Variants in EBF1 observed in about 807,000 individuals in gnomAD.
EBF1 encodes EBF transcription factor 1.
EBF1 carries 10 observed loss-of-function variants against 68.4 expected under a neutral mutation model. The ratio of observed to expected loss-of-function variants is 0.15; its 90% CI spans 0.09 to 0.25. EBF1 has a LOEUF of 0.25. Among genes scored for constraint, EBF1 ranks in the 10% least tolerant of loss-of-function variants. The pLI is 1.00. For synonymous variants in EBF1, 298 were observed against 299.8 expected, an observed-to-expected ratio of 0.99 and a Z score of 0.06; for missense variants, 509 against 794.4, an observed-to-expected ratio of 0.64 and a Z score of 4.32.
intron 6 of EBF1, among the ~76,000 whole-genome samples, chr5:159,066,478 A>C (rs1256987384): frequency 6.6e-6 from 1 of 152,194 alleles, no homozygotes; most frequent in Non-Finnish European, 1.5e-5. Flanking sequence ...CATTTCATAG[A>C]TGGAACGCCA....
At chr5:158,915,183 T>A (rs1806887154) in intron 6 of EBF1, among the ~76,000 whole-genome samples, 1 of 152,150 alleles carries the variant, frequency 6.6e-6, no homozygotes, top group Non-Finnish European at 1.5e-5. Context: ...GAAAGTGAAC[T>A]CTGGGGGCCT....
chr5:158,848,950 T>C (rs1792073987), intron 6 of EBF1, among the ~76,000 whole-genome samples: 1 of 152,216 alleles, frequency 6.6e-6, no homozygotes, highest in South Asian at 2.1e-4. Flanking sequence ...AGTACAAATG[T>C]TCGTTGTCAC....
intron 6 of EBF1, among the ~76,000 whole-genome samples, chr5:159,001,317 A>G (rs547470856): frequency 1.1e-4 from 17 of 152,340 alleles, no homozygotes; most frequent in African/African-American, 3.6e-4. Flanking sequence ...ATGGATAGAC[A>G]TAAGCCACAT....
intron 10 of EBF1, among the ~76,000 whole-genome samples, chr5:158,766,988 C>T (rs1381686525): frequency 6.6e-6 from 1 of 152,086 alleles, no homozygotes; most frequent in Non-Finnish European, 1.5e-5. Context: ...ATTACATTGG[C>T]AAGAATACAT....
At chr5:158,894,803 C>T (rs1801855461) in intron 6 of EBF1, among the ~76,000 whole-genome samples, 1 of 152,132 alleles carries the variant, frequency 6.6e-6, no homozygotes, top group Admixed American at 6.6e-5. Context: ...GCTTTTACAA[C>T]AATCAGATGG....
chr5:158,734,415 TACAG>T (rs907558492), intron 10 of EBF1, among the ~76,000 whole-genome samples: 3 of 152,158 alleles, frequency 2.0e-5, no homozygotes, highest in African/African-American at 7.2e-5. Context: ...CATAGGTTAT[TACAG>T]ACCATAAGAA....
At chr5:158,753,556 A>G (rs1481247911) in intron 10 of EBF1, among the ~76,000 whole-genome samples, 1 of 152,110 alleles carries the variant, frequency 6.6e-6, no homozygotes, top group Non-Finnish European at 1.5e-5. Context: ...CGACCACACC[A>G]AAACCACCAG....
intron 14 of EBF1, 133 bp from the exon 15 acceptor site, chr5:158,708,306 T>C (rs1226455217): frequency 1.7e-5 from 15 of 862,250 alleles, no homozygotes; most frequent in Non-Finnish European, 2.6e-5. Flanking sequence ...AAACCTTCCC[T>C]GAATTCGCAG....
intron 9 of EBF1, among the ~76,000 whole-genome samples, chr5:158,789,974 T>A (rs1450123893): frequency 2.6e-5 from 4 of 152,212 alleles, no homozygotes; most frequent in Non-Finnish European, 1.5e-5. Flanking sequence ...ATTTTTTGAT[T>A]TAAGTGGCAA....
chr5:158,737,773 A>G (rs2127562458), intron 10 of EBF1, among the ~76,000 whole-genome samples: 1 of 152,316 alleles, frequency 6.6e-6, no homozygotes, highest in Non-Finnish European at 1.5e-5. Context: ...GGCTGAAGAC[A>G]GAAGGTCAAC....
At chr5:159,042,119 C>T (rs920017447) in intron 6 of EBF1, among the ~76,000 whole-genome samples, 17 of 152,126 alleles carry the variant, frequency 1.1e-4, no homozygotes, top group Non-Finnish European at 1.9e-4. Context: ...AGCTTGCTGT[C>T]GGCGCCAACC....
At chr5:158,989,075 G>T (rs1216249894) in intron 6 of EBF1, among the ~76,000 whole-genome samples, 1 of 152,124 alleles carries the variant, frequency 6.6e-6, no homozygotes, top group Non-Finnish European at 1.5e-5. Context: ...AGGCCTCTGG[G>T]GCACACCAGG....
chr5:158,732,279 C>G (rs1764253203), intron 10 of EBF1, among the ~76,000 whole-genome samples: 1 of 152,088 alleles, frequency 6.6e-6, no homozygotes, highest in African/African-American at 2.4e-5. Flanking sequence ...TTTCCATTAA[C>G]CTAAATTTTA....
chr5:158,882,401 G>A (rs1799063687), intron 6 of EBF1, among the ~76,000 whole-genome samples: 1 of 152,060 alleles, frequency 6.6e-6, no homozygotes. Context: ...AAAATGAGTT[G>A]GCATCCCCAG....
intron 15 of EBF1, among the ~76,000 whole-genome samples, chr5:158,704,622 T>C (rs1306155389): frequency 6.6e-6 from 1 of 151,382 alleles, no homozygotes; most frequent in East Asian, 1.9e-4. Context: ...GCCTTCATCC[T>C]TTTTTTCTTT....
intron 10 of EBF1, among the ~76,000 whole-genome samples, chr5:158,761,419 C>G (rs1191161002): frequency 6.6e-6 from 1 of 152,208 alleles, no homozygotes; most frequent in Non-Finnish European, 1.5e-5. Flanking sequence ...TCCGGGATGA[C>G]TTGAGTTAAT....
chr5:159,019,923 T>G (rs1766338078), intron 6 of EBF1, among the ~76,000 whole-genome samples: 1 of 152,112 alleles, frequency 6.6e-6, no homozygotes, highest in Non-Finnish European at 1.5e-5. Flanking sequence ...GAAAGTCAGA[T>G]CCAAGCAAGA....
chr5:158,845,060 A>C (rs1035131139), intron 6 of EBF1, among the ~76,000 whole-genome samples: 4 of 152,226 alleles, frequency 2.6e-5, no homozygotes, highest in Non-Finnish European at 5.9e-5. Context: ...ATAAGGATAT[A>C]AAATTTTTAA....
chr5:158,822,080 G>A lies in EBF1; in HGVS notation c.778+1096C>T, dbSNP rs9313791. ...AAATTATGGGCAACTCCTGGCCCAT[G>A]GAAAAAAGCAGGCAATCAGGTGATC... On this transcript the variant is annotated intron_variant, in intron 8 of 15. Transcript: ENST00000313708. Among the ~76,000 whole-genome samples the A allele has an allele frequency of 8.2e-3, 1,243 of 152,190 alleles. 24 individuals carry two copies. The highest frequency in any genetic ancestry group is 0.029 in the African/African-American group (1,183 of 41,506).
Sources: allele counts gnomAD v4.1 joint callset (sites outside exome capture counted in the v4.1 genomes callset), GRCh38; gene constraint gnomAD v4.1.1; transcripts MANE v1.5; gene names NCBI Gene and HGNC (gene_info 2026-07-23, HGNC 2026-07-21).